PTPRT: variants seen among roughly 807,000 people sequenced by gnomAD.
The protein encoded by PTPRT is protein tyrosine phosphatase receptor type T, also known as receptor-type tyrosine-protein phosphatase T.
A neutral mutation model predicts 176.8 loss-of-function variants in PTPRT; 56 were observed. That is an observed-to-expected ratio of 0.32 (90% CI 0.26 to 0.40). The LOEUF (loss-of-function observed/expected upper bound fraction) is 0.40. Ranked by LOEUF, PTPRT falls within the 10% of genes least tolerant of loss-of-function variation. PTPRT has a pLI of 1.00. For missense variants in PTPRT, 1,540 were observed against 1,908.2 expected (o/e 0.81, Z 3.60); for synonymous variants, 783 against 739.0 (o/e 1.06, Z -0.96).
intron 11 of PTPRT, among the ~76,000 whole-genome samples, chr20:42,317,265 T>C (rs981398716): frequency 6.6e-6 from 1 of 152,214 alleles, no homozygotes; most frequent in Admixed American, 6.5e-5. Flanking sequence ...TGAATAGAGA[T>C]GACTGATCCT....
At chr20:42,818,313 A>T (rs1166435873) in intron 2 of PTPRT, among the ~76,000 whole-genome samples, 2 of 152,068 alleles carry the variant, frequency 1.3e-5, no homozygotes, top group African/African-American at 4.8e-5. Context: ...AAAAATAAAG[A>T]AGCAGAAAGT....
At chr20:42,094,957 C>T (rs1318568997) in intron 27 of PTPRT, among the ~76,000 whole-genome samples, 1 of 152,008 alleles carries the variant, frequency 6.6e-6, no homozygotes, top group African/African-American at 2.4e-5. Flanking sequence ...GCCTCAACTC[C>T]TGACCTCAAG....
intron 11 of PTPRT, among the ~76,000 whole-genome samples, chr20:42,330,774 A>G (rs2057954750): frequency 6.6e-6 from 1 of 152,198 alleles, no homozygotes; most frequent in Non-Finnish European, 1.5e-5. Flanking sequence ...TTCAAAGCAA[A>G]CAGTGCTAAC....
At chr20:42,573,445 T>C (rs1292233486) in intron 7 of PTPRT, among the ~76,000 whole-genome samples, 2 of 152,210 alleles carry the variant, frequency 1.3e-5, no homozygotes, top group East Asian at 3.8e-4. Context: ...GGGATTGTCC[T>C]TGGCAATAAA....
At chr20:43,090,373 T>C (rs568026332) in intron 1 of PTPRT, among the ~76,000 whole-genome samples, 1 of 151,900 alleles carries the variant, frequency 6.6e-6, no homozygotes, top group Non-Finnish European at 1.5e-5. Context: ...GTTCATGCCA[T>C]TCTCCTGCCT....
chr20:42,173,610 C>T (rs895346740), intron 16 of PTPRT, among the ~76,000 whole-genome samples: 12 of 151,918 alleles, frequency 7.9e-5, no homozygotes, highest in Non-Finnish European at 1.5e-4. Flanking sequence ...AATGAAAGGT[C>T]GTTGAGTTTG....
At chr20:43,088,927 G>A (rs999369674) in intron 1 of PTPRT, among the ~76,000 whole-genome samples, 2 of 152,022 alleles carry the variant, frequency 1.3e-5, no homozygotes, top group East Asian at 1.9e-4. Flanking sequence ...CAAGTAGCTC[G>A]GCAAGGAGAG....
chr20:42,106,958 TG>T (rs764904006), intron 23 of PTPRT, 37 bp from the exon 24 acceptor site: 7 of 1,604,346 alleles, frequency 4.4e-6, no homozygotes, highest in East Asian at 2.2e-5. Context: ...AGGATCTTCA[TG>T]GGGGGAACCT....
At chr20:42,552,164 G>A (rs1053636945) in intron 7 of PTPRT, among the ~76,000 whole-genome samples, 2 of 152,128 alleles carry the variant, frequency 1.3e-5, no homozygotes, top group South Asian at 4.1e-4. Flanking sequence ...GATGAGACCA[G>A]ATGAAGGAAT....
intron 7 of PTPRT, among the ~76,000 whole-genome samples, chr20:42,525,899 A>G (rs1272136024): frequency 6.6e-6 from 1 of 152,170 alleles, no homozygotes; most frequent in African/African-American, 2.4e-5. Flanking sequence ...TCCTGTACTT[A>G]TATGTGAATG....
chr20:42,375,292 A>G (rs2058637741), intron 9 of PTPRT, among the ~76,000 whole-genome samples: 1 of 152,184 alleles, frequency 6.6e-6, no homozygotes, highest in African/African-American at 2.4e-5. Context: ...CAGAGAGGTT[A>G]CATTCTACTA....
intron 13 of PTPRT, among the ~76,000 whole-genome samples, chr20:42,273,642 G>A (rs1192677883): frequency 6.6e-6 from 1 of 152,244 alleles, no homozygotes; most frequent in Non-Finnish European, 1.5e-5. Context: ...ACTAGGGAAT[G>A]TGGGATTACA....
At chr20:42,850,455 T>C (rs2078448804) in intron 2 of PTPRT, among the ~76,000 whole-genome samples, 1 of 152,230 alleles carries the variant, frequency 6.6e-6, no homozygotes, top group African/African-American at 2.4e-5. Flanking sequence ...AGATGGACTG[T>C]GGCTCATTAT....
chr20:43,156,734 A>G (rs577125951), intron 1 of PTPRT, among the ~76,000 whole-genome samples: 2 of 152,324 alleles, frequency 1.3e-5, no homozygotes, highest in South Asian at 4.1e-4. Context: ...CCAGGATCTC[A>G]TCAGTTCCTC....
chr20:42,431,802 T>A (rs1166321915), intron 9 of PTPRT, among the ~76,000 whole-genome samples: 1 of 152,176 alleles, frequency 6.6e-6, no homozygotes, highest in Non-Finnish European at 1.5e-5. Context: ...TGCCCTTCAG[T>A]CATGAAGACT....
At chr20:42,175,883 TA>T (rs1191229564) in intron 16 of PTPRT, among the ~76,000 whole-genome samples, 2 of 152,198 alleles carry the variant, frequency 1.3e-5, no homozygotes, top group African/African-American at 4.8e-5. Context: ...GACTGGTCAC[TA>T]AAAGTATTTT....
intron 2 of PTPRT, among the ~76,000 whole-genome samples, chr20:42,879,718 T>C (rs1249325858): frequency 6.6e-6 from 1 of 150,834 alleles, no homozygotes; most frequent in Non-Finnish European, 1.5e-5. Context: ...TTCCATGACA[T>C]GCTAGTTGGG....
chr20:42,882,353 T>C (rs963407247), intron 2 of PTPRT, among the ~76,000 whole-genome samples: 7 of 152,190 alleles, frequency 4.6e-5, no homozygotes, highest in Admixed American at 4.6e-4. Context: ...CAGAAGATTG[T>C]ATTAGCATGA....
chr20:42,298,177 T>C (rs911812786), intron 12 of PTPRT, among the ~76,000 whole-genome samples: 6 of 151,532 alleles, frequency 4.0e-5, no homozygotes, highest in Non-Finnish European at 8.8e-5. Context: ...AAAAACAAAC[T>C]GAAAATTGAG....
Sources: gnomAD v4.1 joint callset for allele counts (sites outside exome capture counted in the v4.1 genomes callset) on GRCh38, gnomAD v4.1.1 for gene constraint, MANE v1.5 for transcripts, NCBI Gene and HGNC (gene_info 2026-07-23, HGNC 2026-07-21) for gene names.